Variants in GRIN2B observed in about 807,000 individuals in gnomAD.
GRIN2B encodes the protein glutamate ionotropic receptor NMDA type subunit 2B.
Under a neutral mutation model 114.5 loss-of-function variants are expected in GRIN2B, and 5 were observed. That is an observed-to-expected ratio of 0.04 (90% CI 0.02 to 0.09). The LOEUF is 0.09. Among genes scored for constraint, GRIN2B ranks in the 10% least tolerant of loss-of-function variants. The probability of loss-of-function intolerance (pLI) is 1.00; values close to 1 mark genes in which losing one functional copy is unlikely to be tolerated. For missense variants in GRIN2B, 1,108 were observed against 1,943.5 expected (o/e 0.57, Z 8.08); for synonymous variants, 787 against 745.1 (o/e 1.06, Z -0.92).
At chr12:13,858,491 G>A (rs11055647) in intron 3 of GRIN2B, among the ~76,000 whole-genome samples, 14,999 of 151,996 alleles carry the variant, frequency 0.099, 1,019 homozygotes, top group South Asian at 0.18. Context: ...TCTCAGAAAG[G>A]GGACTAAAAA....
chr12:13,554,308 G>A lies in GRIN2B; in HGVS notation c.*8475C>T, dbSNP rs988670576. 1.3e-5 allele frequency: 2 copies of A among 152,116 alleles called. No homozygotes were observed. The highest frequency in any genetic ancestry group is 2.9e-5 in the Non-Finnish European group (2 of 68,012). The allele number at this position is 152,116 out of a possible 1,614,324, so 9.4% of individuals were successfully genotyped here. A position where few individuals can be genotyped will look rare whatever the true frequency, so the allele number is the denominator to read the frequency against. ...AGGGAGAAACAACGAAAGTGTTATGGGCATTCATAAAATGCCTAAAATTAT... is the reference window on the plus strand; with the variant it reads ...AGGGAGAAACAACGAAAGTGTTATGAGCATTCATAAAATGCCTAAAATTAT... On this transcript the variant is annotated 3_prime_UTR_variant, in exon 14 of 14. Transcript: ENST00000609686.
At position 13,824,842 on chromosome 12, in the gene GRIN2B, C is replaced by T. The variant is rs192601078; in HGVS notation, c.411+40956G>A. Among the ~76,000 whole-genome samples, 11 of 117,646 alleles carry T rather than the reference C, an allele frequency of 9.4e-5. No homozygotes were observed. In the East Asian group the frequency reaches 9.4e-4, roughly 10 times the overall value. The allele number at this position is 117,646 out of a possible 152,430, so 77.2% of individuals were successfully genotyped here. ...CTGCACTCCAGCCTGGGCAACAGAG[C>T]GAGACTCCATTTCAAAAAAAAAAAA... is the stretch of plus-strand genomic sequence containing the variant. On this transcript the variant is annotated intron_variant, in intron 3 of 13. Coordinates refer to ENST00000609686, the MANE Select transcript of GRIN2B (RefSeq NM_000834.5).
At chr12:13,685,274 G>A (rs1591675386) in intron 4 of GRIN2B, among the ~76,000 whole-genome samples, 1 of 152,146 alleles carries the variant, frequency 6.6e-6, no homozygotes, top group African/African-American at 2.4e-5. Context: ...CCCATCTGTA[G>A]CTACCATATT....
chr12:13,855,961 C>A (rs1865654042), intron 3 of GRIN2B, among the ~76,000 whole-genome samples: 1 of 152,136 alleles, frequency 6.6e-6, no homozygotes, highest in South Asian at 2.1e-4. Context: ...TAAAGCATAG[C>A]CCTGGCCCAC....
At chr12:13,595,777 C>A (rs748917717) in intron 10 of GRIN2B, among the ~76,000 whole-genome samples, 5 of 152,198 alleles carry the variant, frequency 3.3e-5, no homozygotes, top group Admixed American at 3.3e-4. Context: ...CAGGTGAGAG[C>A]GCCTCTTGCC....
intron 2 of GRIN2B, among the ~76,000 whole-genome samples, chr12:13,928,166 C>T (rs1250451349): frequency 6.6e-6 from 1 of 151,578 alleles, no homozygotes; most frequent in Non-Finnish European, 1.5e-5. Context: ...GAAAAATTTG[C>T]CAGGCGTGGT....
chr12:13,873,103 C>T (rs572623481), intron 2 of GRIN2B, among the ~76,000 whole-genome samples: 3 of 152,304 alleles, frequency 2.0e-5, no homozygotes, highest in Non-Finnish European at 4.4e-5. Flanking sequence ...GTATGGTTGA[C>T]TCAATTCTGC....
At position 13,777,136 on chromosome 12, in the gene GRIN2B, A is replaced by C. The variant is rs1180411834; in HGVS notation, c.412-23221T>G. Among the ~76,000 whole-genome samples the C allele has an allele frequency of 3.3e-5, 5 of 152,160 alleles. No homozygotes were observed. The East Asian group carries it at 9.7e-4, about 29-fold the overall frequency. On this transcript the variant is annotated intron_variant, in intron 3 of 13. Transcript: ENST00000609686. ...AGAATCTAAGTAAGAATCGCTTCTGAATATGGATGTTTCAGCCCACATCCC... is the reference window on the plus strand; with the variant it reads ...AGAATCTAAGTAAGAATCGCTTCTGCATATGGATGTTTCAGCCCACATCCC...
chr12:13,941,455 C>T (rs1160541014), intron 2 of GRIN2B, among the ~76,000 whole-genome samples: 1 of 152,118 alleles, frequency 6.6e-6, no homozygotes, highest in Non-Finnish European at 1.5e-5. Context: ...CACAATGATG[C>T]TCTGATTTCA....
intron 10 of GRIN2B, among the ~76,000 whole-genome samples, chr12:13,601,480 C>T (rs1808280319): frequency 4.0e-5 from 6 of 151,596 alleles, no homozygotes; most frequent in Admixed American, 3.9e-4. Context: ...CCAGGATGAT[C>T]TCATTTTGAG....
chr12:13,840,627 G>T (rs1010155006), intron 3 of GRIN2B, among the ~76,000 whole-genome samples: 1 of 152,102 alleles, frequency 6.6e-6, no homozygotes, highest in Non-Finnish European at 1.5e-5. Context: ...TATAGCCACT[G>T]TAATAAAATA....
At chr12:13,825,220 T>C (rs1045162622) in intron 3 of GRIN2B, among the ~76,000 whole-genome samples, 2 of 151,884 alleles carry the variant, frequency 1.3e-5, no homozygotes, top group African/African-American at 4.8e-5. Flanking sequence ...ATTTCCAAAA[T>C]TTAGGTATTT....
At chr12:13,642,024 T>C (rs1283677153) in intron 5 of GRIN2B, among the ~76,000 whole-genome samples, 2 of 151,954 alleles carry the variant, frequency 1.3e-5, no homozygotes, top group Non-Finnish European at 2.9e-5. Flanking sequence ...CCTGTCTCTA[T>C]TAAAAATACA....
intron 13 of GRIN2B, among the ~76,000 whole-genome samples, chr12:13,566,634 G>C (rs1352175223): frequency 1.3e-5 from 2 of 152,220 alleles, no homozygotes; most frequent in East Asian, 1.9e-4. Flanking sequence ...TAAAATAAGA[G>C]AGATATGTTA....
At chr12:13,862,605 T>G (rs975364398) in intron 3 of GRIN2B, among the ~76,000 whole-genome samples, 1 of 152,202 alleles carries the variant, frequency 6.6e-6, no homozygotes, top group Non-Finnish European at 1.5e-5. Flanking sequence ...TCCAACTGTG[T>G]GTCCCCATTC....
In GRIN2B at chr12:13,605,520, G is replaced by GTCTCTCTCTCTCTCTCTC. The variant is rs3081918; in HGVS notation, c.2010+3065_2010+3082dup. On this transcript the variant is annotated intron_variant, in intron 10 of 13. Transcript: ENST00000609686. ...GAAATTATTTGCAAAGGTCTTGAAA[G>GTCTCTCTCTCTCTCTCTC]TCTCTCTCTCTCTCTCTCTCTCTCT... is the stretch of plus-strand genomic sequence containing the variant. 3.4e-3 allele frequency among the ~76,000 whole-genome samples: 389 copies of GTCTCTCTCTCTCTCTCTC among 114,974 alleles called. 10 individuals are homozygous for GTCTCTCTCTCTCTCTCTC. Among genetic ancestry groups the GTCTCTCTCTCTCTCTCTC allele is most frequent in the Middle Eastern group, 0.014 (3 of 222 alleles). The allele number at this position is 114,974 out of a possible 152,430, so 75.4% of individuals were successfully genotyped here.
At chr12:13,608,137 T>C (rs1949311741) in intron 10 of GRIN2B, among the ~76,000 whole-genome samples, 1 of 152,180 alleles carries the variant, frequency 6.6e-6, no homozygotes, top group Admixed American at 6.5e-5. Flanking sequence ...ACACAATGCT[T>C]CTTCCTGCTC....
chr12:13,944,019 T>C (rs922061615), intron 2 of GRIN2B, among the ~76,000 whole-genome samples: 10 of 152,136 alleles, frequency 6.6e-5, no homozygotes, highest in African/African-American at 2.4e-4. Flanking sequence ...ATAAATCCCT[T>C]TATCAATATA....
intron 10 of GRIN2B, among the ~76,000 whole-genome samples, chr12:13,574,904 A>G (rs957073579): frequency 2.0e-5 from 3 of 152,232 alleles, no homozygotes; most frequent in Admixed American, 6.5e-5. Flanking sequence ...GGAACAGGAT[A>G]GAGTGCCCAC....
Sources: allele counts gnomAD v4.1 joint callset (sites outside exome capture counted in the v4.1 genomes callset), GRCh38; gene constraint gnomAD v4.1.1; transcripts MANE v1.5; gene names NCBI Gene and HGNC (gene_info 2026-07-23, HGNC 2026-07-21).